SLC25A32: variants seen among roughly 807,000 people sequenced by gnomAD.
SLC25A32 encodes Glycine auxotroph B, complementation of hamster.
In SLC25A32, 32 loss-of-function variants were observed where a neutral mutation model predicts 39.0. The ratio of observed to expected loss-of-function variants is 0.82; its 90% CI spans 0.62 to 1.10. The LOEUF (loss-of-function observed/expected upper bound fraction) is 1.10. SLC25A32 is among the 50% of genes least tolerant of loss of function. The pLI, the probability that SLC25A32 is intolerant of heterozygous loss-of-function variation, is 0.00. For missense variants in SLC25A32, 367 were observed against 395.3 expected, an observed-to-expected ratio of 0.93 and a Z score of 0.61; for synonymous variants, 166 against 152.4, an observed-to-expected ratio of 1.09 and a Z score of -0.66.
rs781261123 is a variant in SLC25A32 at position 103,401,609 on chromosome 8, G to C, written c.719C>G (p.Ala240Gly). ...VAALSKIFAVAATYPYQVVRA... is the reference protein window; with the variant it reads ...VAALSKIFAVGATYPYQVVRA... ...TACGACTTGATATGGGTATGTTGCT[G>C]CGACAGCAAATATTTTGGATAGTGC... The change falls in exon 6 of 7, where the codon GCA becomes GGA. Residue 240 changes from alanine to glycine, a missense_variant. Ala to Gly is a moderately conservative substitution (Grantham distance 60, BLOSUM62 0). Coordinates refer to ENST00000297578, the MANE Select transcript of SLC25A32 (RefSeq NM_030780.5). 2.5e-6 allele frequency: 4 copies of C among 1,613,568 alleles called. No individual in the cohort carries two copies. The highest frequency in any genetic ancestry group is 3.4e-6 in the Non-Finnish European group (4 of 1,179,690).
At chr8:103,402,139 AT>A in intron 4 of SLC25A32, 85 bp from the exon 5 acceptor site, 1 of 825,708 alleles carries the variant, frequency 1.2e-6, no homozygotes, top group Non-Finnish European at 1.8e-6. Flanking sequence ...CTTCTCTCTC[AT>A]TACAGCACTT....
rs1440590055 is a variant in SLC25A32 at position 103,410,846 on chromosome 8, T to C, written c.155-3062A>G. Among the ~76,000 whole-genome samples, 3 of 152,244 alleles carry C rather than the reference T, an allele frequency of 2.0e-5. No individual in the cohort carries two copies. In the South Asian group the frequency reaches 6.2e-4, roughly 32 times the overall value. Reference sequence around the variant, plus strand: ...TCATTTTCAAAGAAAGACAATATAATGACTTTAAAAAAATTATCATCTAGC... The same window carrying C: ...TCATTTTCAAAGAAAGACAATATAACGACTTTAAAAAAATTATCATCTAGC... On this transcript the variant is annotated intron_variant, in intron 1 of 6. Transcript: ENST00000297578.
intron 2 of SLC25A32, among the ~76,000 whole-genome samples, chr8:103,406,179 C>G (rs1816329534): frequency 6.6e-6 from 1 of 151,484 alleles, no homozygotes; most frequent in African/African-American, 2.4e-5. Context: ...TATATAGTTT[C>G]ACACACACCT....
At chr8:103,411,459 A>G (rs1360865631) in intron 1 of SLC25A32, among the ~76,000 whole-genome samples, 1 of 151,730 alleles carries the variant, frequency 6.6e-6, no homozygotes, top group Non-Finnish European at 1.5e-5. Flanking sequence ...CCCTGCTGCA[A>G]TCTGGTTTGA....
At chr8:103,402,108 T>C in intron 4 of SLC25A32, 54 bp from the exon 5 acceptor site, 1 of 1,194,152 alleles carries the variant, frequency 8.4e-7, no homozygotes, top group Non-Finnish European at 1.2e-6. Context: ...AAGAACAATA[T>C]ATTTAAGTAA....
In SLC25A32 at chr8:103,400,507, A is replaced by T; in HGVS notation, c.852T>A (p.Pro284=). Residue 284 remains proline, a synonymous_variant, in exon 7 of 7, where the codon CCT becomes CCA. Coordinates refer to ENST00000297578, the MANE Select transcript of SLC25A32 (RefSeq NM_030780.5). ...GVGGFYKGIA[P]NLIRVTPACC... ...AGGCTGGAGTCACTCTAATCAAATT[A>T]GGAGCAATTCCCTTGTAAAATCCAC... The T allele has an allele frequency of 6.2e-7, 1 of 1,614,174 alleles. No homozygotes were observed. Among genetic ancestry groups the T allele is most frequent in the South Asian group, 1.1e-5 (1 of 91,082 alleles).
intron 3 of SLC25A32, 85 bp from the exon 4 acceptor site, chr8:103,403,409 T>TAAAAAAAAAAAAAAAAAAA (rs11447002): frequency 4.2e-6 from 1 of 237,710 alleles, no homozygotes. Flanking sequence ...TACATTTATG[T>TAAAAAAAAAAAAAAAAAAA]AAAAAAAAAA....
Position 103,401,943 on chromosome 8 carries a change from A to C in SLC25A32, c.664T>G (p.Leu222Val), listed in dbSNP as rs1299801061. 1.2e-6 allele frequency: 2 copies of C among 1,602,758 alleles called. No homozygotes were observed. The highest frequency in any genetic ancestry group is 4.5e-5 in the East Asian group (2 of 44,810). Reference protein sequence around the residue: ...QHINRLPEAQLSTVEYISVAA... With the variant: ...QHINRLPEAQVSTVEYISVAA... ...CATTTTTACAAGAATAATCTTACCA[A>C]CTGGGCTTCTGGTAATCTATTGATA... The change falls in exon 5 of 7, where the codon TTG (leucine) becomes GTG (valine). Residue 222 changes from leucine (L) to valine (V), a missense_variant and splice_region_variant. Coordinates refer to ENST00000297578, the MANE Select transcript of SLC25A32 (RefSeq NM_030780.5).
intron 6 of SLC25A32, among the ~76,000 whole-genome samples, chr8:103,400,778 A>G (rs1816200881): frequency 6.6e-6 from 1 of 152,226 alleles, no homozygotes; most frequent in South Asian, 2.1e-4. Context: ...AACTGAACTA[A>G]AAAGTGCTTT....
chr8:103,412,733 T>C (rs1816492192), intron 1 of SLC25A32, among the ~76,000 whole-genome samples: 2 of 152,214 alleles, frequency 1.3e-5, no homozygotes, highest in Non-Finnish European at 2.9e-5. Flanking sequence ...TATGAAGTAA[T>C]TTCTAATCTT....
intron 1 of SLC25A32, 70 bp from the exon 2 acceptor site, chr8:103,407,854 A>G: frequency 7.6e-7 from 1 of 1,323,104 alleles, no homozygotes; most frequent in African/African-American, 1.5e-5. Context: ...AAACACAGAC[A>G]CTGTACAATT....
chr8:103,400,832 G>T (rs1264965321), intron 6 of SLC25A32, among the ~76,000 whole-genome samples: 1 of 152,176 alleles, frequency 6.6e-6, no homozygotes, highest in Non-Finnish European at 1.5e-5. Context: ...TGTACAAGCA[G>T]GAGTTTTAAT....
rs1816176346 is a variant in SLC25A32, at chr8:103,399,769, G to T, written c.*642C>A. ...TATAAAAAAAAGTTAGCCAGGCGTG[G>T]TGGCAGGTGCCTGTAGTCCCAGCTA... On this transcript the variant is annotated 3_prime_UTR_variant, in exon 7 of 7. Transcript: ENST00000297578. 1 of 152,294 alleles carries T rather than the reference G, an allele frequency of 6.6e-6. No homozygotes were observed. The highest frequency in any genetic ancestry group is 1.5e-5 in the Non-Finnish European group (1 of 68,152). The allele number at this position is 152,294 out of a possible 1,614,324, so 9.4% of individuals were successfully genotyped here.
At chr8:103,408,582 T>C (rs1008234627) in intron 1 of SLC25A32, among the ~76,000 whole-genome samples, 6 of 152,182 alleles carry the variant, frequency 3.9e-5, no homozygotes, top group African/African-American at 1.2e-4. Context: ...AAACTTTTTT[T>C]CCTGGAAATT....
At chr8:103,408,997 TTTTCA>T (rs1816400296) in intron 1 of SLC25A32, among the ~76,000 whole-genome samples, 1 of 152,218 alleles carries the variant, frequency 6.6e-6, no homozygotes, top group South Asian at 2.1e-4. Context: ...AATCTGGCAC[TTTTCA>T]TTTCATCTCT....
intron 2 of SLC25A32, among the ~76,000 whole-genome samples, chr8:103,406,178 T>C (rs939802014): frequency 3.3e-5 from 5 of 151,802 alleles, no homozygotes; most frequent in Non-Finnish European, 5.9e-5. Flanking sequence ...GTATATAGTT[T>C]CACACACACC....
At chr8:103,412,118 C>T (rs1816479906) in intron 1 of SLC25A32, among the ~76,000 whole-genome samples, 1 of 152,200 alleles carries the variant, frequency 6.6e-6, no homozygotes, top group South Asian at 2.1e-4. Flanking sequence ...TCAGTTAGTA[C>T]ATATAAAGCT....
Position 103,400,244 on chromosome 8 carries a change from A to G in SLC25A32, c.*167T>C, listed in dbSNP as rs1371511513. ...TTCCATATATATGGGGAAGGCAAAA[A>G]GCAAGAAAAACATTGCAGGAGACTT... is the stretch of plus-strand genomic sequence containing the variant. On this transcript the variant is annotated 3_prime_UTR_variant, in exon 7 of 7. Coordinates refer to ENST00000297578, the MANE Select transcript of SLC25A32 (RefSeq NM_030780.5). 13 of 604,774 alleles carry G rather than the reference A, an allele frequency of 2.1e-5. No individual in the cohort carries two copies. The East Asian group carries it at 3.2e-4, about 15-fold the overall frequency. The allele number at this position is 604,774 out of a possible 1,614,324, so 37.5% of individuals were successfully genotyped here.
At chr8:103,404,218 A>G (rs954090456) in intron 3 of SLC25A32, among the ~76,000 whole-genome samples, 3 of 152,244 alleles carry the variant, frequency 2.0e-5, no homozygotes, top group African/African-American at 7.2e-5. Flanking sequence ...TTAGGGATTC[A>G]TAACTTTTCT....
Sources: allele counts gnomAD v4.1 joint callset (sites outside exome capture counted in the v4.1 genomes callset), GRCh38; gene constraint gnomAD v4.1.1; transcripts MANE v1.5; gene names NCBI Gene and HGNC (gene_info 2026-07-23, HGNC 2026-07-21).